UGT1A3: variants seen among roughly 807,000 people sequenced by gnomAD.
The protein encoded by UGT1A3 is UDP-glucuronosyltransferase 1A3.
UGT1A3 carries 31 observed loss-of-function variants against 41.0 expected under a neutral mutation model. The ratio of observed to expected loss-of-function variants is 0.76; its 90% CI spans 0.57 to 1.02. The LOEUF (loss-of-function observed/expected upper bound fraction) is 1.02. Among genes scored for constraint, UGT1A3 ranks in the 50% least tolerant of loss-of-function variants. The pLI is 0.00. For missense variants in UGT1A3, 737 were observed against 671.0 expected, an observed-to-expected ratio of 1.10 and a Z score of -1.09; for synonymous variants, 262 against 257.6, an observed-to-expected ratio of 1.02 and a Z score of -0.17.
chr2:233,748,386 G>A (rs562746713), intron 1 of UGT1A3, among the ~76,000 whole-genome samples: 1 of 151,878 alleles, frequency 6.6e-6, no homozygotes, highest in African/African-American at 2.4e-5. Context: ...GTCCTTCATT[G>A]GGAAGGAGCA....
chr2:233,743,498 G>A (rs1452384888), intron 1 of UGT1A3: 3 of 1,367,176 alleles, frequency 2.2e-6, no homozygotes, highest in Middle Eastern at 2.1e-4. Context: ...GCAGAGAAAA[G>A]GGGTGCAGAC....
Position 233,767,067 on chromosome 2 carries a change from C to G in UGT1A3, c.901C>G (p.His301Asp). ...FEAYINASGE[H>D]GIVVFSLGSM... The stretch of plus-strand genomic sequence containing the variant: ...AGCCTACATTAATGCTTCTGGAGAA[C>G]ATGGAATTGTGGTTTTCTCTTTGGG... Residue 301 changes from histidine to aspartate, a missense_variant, in exon 2 of 5, where the codon CAT becomes GAT. Coordinates refer to ENST00000482026, the MANE Select transcript of UGT1A3 (RefSeq NM_019093.4). The G allele has an allele frequency of 6.2e-7, 1 of 1,614,098 alleles. No individual in the cohort carries two copies. Among genetic ancestry groups the G allele is most frequent in the East Asian group, 2.2e-5 (1 of 44,866 alleles).
intron 1 of UGT1A3, chr2:233,741,805 CTTAA>C (rs1691775177): frequency 6.6e-6 from 1 of 151,910 alleles, no homozygotes; most frequent in African/African-American, 2.4e-5. Flanking sequence ...GCATGCTGCT[CTTAA>C]TTTTTTTCAG....
chr2:233,732,709 C>A (rs540969589), intron 1 of UGT1A3, among the ~76,000 whole-genome samples: 5 of 150,878 alleles, frequency 3.3e-5, no homozygotes, highest in Non-Finnish European at 7.4e-5. Flanking sequence ...GTTACTGTAG[C>A]CTTGTAGTAC....
chr2:233,750,285 G>A (rs886934345), intron 1 of UGT1A3, among the ~76,000 whole-genome samples: 2 of 151,944 alleles, frequency 1.3e-5, no homozygotes, highest in African/African-American at 4.9e-5. Context: ...GAGACTGGTG[G>A]CATTTTGCCC....
rs142986334 is a variant in UGT1A3, at chr2:233,729,623, C to G, written c.497C>G (p.Ser166Trp). Reference protein sequence around the residue: ...LCAAVLAKYLSIPTVFFLRNI... With the variant: ...LCAAVLAKYLWIPTVFFLRNI... ...GCGGCAGTGCTGGCTAAGTACCTGT[C>G]GATTCCTACTGTGTTTTTTTTGAGG... Residue 166 changes from serine (S) to tryptophan (W), a missense_variant, in exon 1 of 5, where the codon TCG (serine) becomes TGG (tryptophan). Physicochemically the swap from Ser to Trp is radical, Grantham distance 177 (BLOSUM62 -3). Transcript: ENST00000482026. The G allele has an allele frequency of 2.5e-5, 41 of 1,613,794 alleles. No homozygotes were observed. The highest frequency in any genetic ancestry group is 2.3e-4 in the Admixed American group (14 of 59,986).
intron 1 of UGT1A3, among the ~76,000 whole-genome samples, chr2:233,744,769 C>T (rs1692917146): frequency 6.6e-6 from 1 of 151,856 alleles, no homozygotes; most frequent in Non-Finnish European, 1.5e-5. Flanking sequence ...TTTAACTTTG[C>T]AAAATTCTCC....
chr2:233,760,984 C>T lies in UGT1A3; in HGVS notation c.868-6050C>T. 6.2e-7 allele frequency: 1 copy of T among 1,614,234 alleles called. No individual in the cohort carries two copies. The highest frequency in any genetic ancestry group is 8.5e-7 in the Non-Finnish European group (1 of 1,180,042). ...CGTGGTTTATTCCCCGTATGCAACC[C>T]TTGCCTCAGAATTCCTTCAGAGAGA... is the stretch of plus-strand genomic sequence containing the variant. On this transcript the variant is annotated intron_variant, in intron 1 of 4. Coordinates refer to ENST00000482026, the MANE Select transcript of UGT1A3 (RefSeq NM_019093.4).
chr2:233,752,699 G>C (rs1695036146), intron 1 of UGT1A3, among the ~76,000 whole-genome samples: 3 of 152,058 alleles, frequency 2.0e-5, no homozygotes, highest in Non-Finnish European at 4.4e-5. Flanking sequence ...TTACTAGTGG[G>C]GTATGATCTT....
intron 1 of UGT1A3, chr2:233,747,274 A>G: frequency 6.3e-7 from 1 of 1,599,206 alleles, no homozygotes; most frequent in Admixed American, 1.7e-5. Flanking sequence ...ACTCCTTCTC[A>G]GTGCCCAGCC....
Position 233,729,835 on chromosome 2 carries a change from G to A in UGT1A3, c.709G>A (p.Glu237Lys), listed in dbSNP as rs530955113. Residue 237 changes from glutamate to lysine, a missense_variant, in exon 1 of 5, where the codon GAG becomes AAG. Physicochemically the swap from Glu to Lys is moderately conservative, Grantham distance 56 (BLOSUM62 1). Coordinates refer to ENST00000482026, the MANE Select transcript of UGT1A3 (RefSeq NM_019093.4). Reference sequence around the variant, plus strand: ...TGCTCCTTATGCAAGCCTTGCCTCTGAGCTTTTTCAGAGAGAGGTGTCAGT... The same window carrying A: ...TGCTCCTTATGCAAGCCTTGCCTCTAAGCTTTTTCAGAGAGAGGTGTCAGT... Reference protein sequence around the residue: ...FSAPYASLASELFQREVSVVD... With the variant: ...FSAPYASLASKLFQREVSVVD... 4.0e-5 allele frequency: 65 copies of A among 1,613,870 alleles called. 1 individual carries two copies. In the South Asian group the frequency reaches 7.0e-4, roughly 17 times the overall value.
rs1326860704 is a variant in UGT1A3 at position 233,769,636 on chromosome 2, G to A, written c.1307+1197G>A. ...AGCTTGAGCAAGGGACAACAGGGGA[G>A]GACTGATGACTGACTTCCCACCTTT... On this transcript the variant is annotated intron_variant, in intron 4 of 4. Coordinates refer to ENST00000482026, the MANE Select transcript of UGT1A3 (RefSeq NM_019093.4). This position sits in a 1 kb window ranked among gnomAD's most constrained non-coding sequence, Gnocchi z 4.4. 6.8e-6 allele frequency: 11 copies of A among 1,610,668 alleles called. No homozygotes were observed. Among genetic ancestry groups the A allele is most frequent in the Non-Finnish European group, 8.5e-6 (10 of 1,178,970 alleles).
chr2:233,758,620 A>G (rs2125966627), intron 1 of UGT1A3, among the ~76,000 whole-genome samples: 1 of 152,334 alleles, frequency 6.6e-6, no homozygotes, highest in South Asian at 2.1e-4. Context: ...ATGTGCATGC[A>G]AAGTACCTAC....
chr2:233,729,723 A>G lies in UGT1A3; in HGVS notation c.597A>G (p.Thr199=), dbSNP rs563184062. 19 of 1,613,938 alleles carry G rather than the reference A, an allele frequency of 1.2e-5. No homozygotes were observed. The highest frequency in any genetic ancestry group is 8.0e-5 in the African/African-American group (6 of 75,026). ...CCTCCTATATTCCTAGATTACTAAC[A>G]ACCAATTCAGACCACATGACATTCA... is the stretch of plus-strand genomic sequence containing the variant. ...NPSSYIPRLL[T]TNSDHMTFMQ... Residue 199 remains threonine, a synonymous_variant, in exon 1 of 5, where the codon ACA becomes ACG. Transcript: ENST00000482026.
intron 1 of UGT1A3, among the ~76,000 whole-genome samples, chr2:233,756,771 G>T (rs1424521769): frequency 2.0e-5 from 3 of 152,000 alleles, no homozygotes; most frequent in Admixed American, 6.5e-5. Flanking sequence ...TGGATTCTTT[G>T]CTTTGATAAA....
chr2:233,755,076 T>C (rs28900391), intron 1 of UGT1A3: 18,622 of 1,334,942 alleles, frequency 0.014, 367 homozygotes, highest in South Asian at 0.045. Context: ...ATAGCGGTCA[T>C]AGATATCGCG....
At chr2:233,731,359 A>G (rs2078149638) in intron 1 of UGT1A3, among the ~76,000 whole-genome samples, 1 of 151,208 alleles carries the variant, frequency 6.6e-6, no homozygotes, top group Admixed American at 6.6e-5. Context: ...ATAGGTATAC[A>G]TGTGCCATGT....
At chr2:233,761,227 G>GAT in intron 1 of UGT1A3, 1 of 1,613,278 alleles carries the variant, frequency 6.2e-7, no homozygotes, top group Non-Finnish European at 8.5e-7. Flanking sequence ...ACTAGCCCCA[G>GAT]ATATATGCTG....
intron 4 of UGT1A3, 114 bp downstream of exon 4, chr2:233,768,553 AT>A (rs1280927222): frequency 2.3e-5 from 34 of 1,477,264 alleles, no homozygotes; most frequent in Non-Finnish European, 2.9e-5. Context: ...ATAAAAACAA[AT>A]ACATAAAAAT....
Sources: gnomAD v4.1 joint callset for allele counts (sites outside exome capture counted in the v4.1 genomes callset) on GRCh38, gnomAD v4.1.1 for gene constraint, Gnocchi (gnomAD v3.1) non-coding constraint, MANE v1.5 for transcripts, NCBI Gene and HGNC (gene_info 2026-07-23, HGNC 2026-07-21) for gene names.